The following DNAL1 variants were observed in gnomAD, a reference collection of about 807,000 sequenced individuals.
DNAL1 encodes dynein axonemal light chain 1, also known as chromosome 14 open reading frame 168.
DNAL1 carries 17 observed loss-of-function variants against 29.4 expected under a neutral mutation model. The observed-to-expected ratio is 0.58, with a 90% CI of 0.40 to 0.87. The LOEUF (loss-of-function observed/expected upper bound fraction) is 0.87. Among genes scored for constraint, DNAL1 ranks in the 40% least tolerant of loss-of-function variants. DNAL1 has a pLI of 0.00. For synonymous variants in DNAL1, 78 were observed against 76.3 expected, an observed-to-expected ratio of 1.02 and a Z score of -0.12; for missense variants, 188 against 214.1, an observed-to-expected ratio of 0.88 and a Z score of 0.76.
chr14:73,660,790 C>T (rs1891324010), intron 3 of DNAL1, among the ~76,000 whole-genome samples: 1 of 152,174 alleles, frequency 6.6e-6, no homozygotes, highest in Non-Finnish European at 1.5e-5. Flanking sequence ...ATAAAGCCAT[C>T]TCAAAGGCAA....
intron 1 of DNAL1, among the ~76,000 whole-genome samples, chr14:73,652,770 C>T (rs1384055875): frequency 6.6e-6 from 1 of 152,082 alleles, no homozygotes; most frequent in Admixed American, 6.6e-5. Context: ...ACGCCTATCT[C>T]ATTTGTTTTC....
At chr14:73,671,439 G>T (rs1336782888) in intron 4 of DNAL1, 103 bp from the exon 5 acceptor site, 2 of 1,168,406 alleles carry the variant, frequency 1.7e-6, no homozygotes, top group South Asian at 2.7e-5. Context: ...ATTGTATAAG[G>T]ATATCTATTA....
At chr14:73,692,869 C>T (rs192559952) in intron 7 of DNAL1, among the ~76,000 whole-genome samples, 15 of 150,682 alleles carry the variant, frequency 1.0e-4, no homozygotes, top group Admixed American at 2.6e-4. Flanking sequence ...CGGAGTCTCA[C>T]GCTGTCACCC....
At position 73,651,737 on chromosome 14, in the gene DNAL1, A is replaced by G. The variant is rs529109188; in HGVS notation, c.4-3110A>G. Among the ~76,000 whole-genome samples the G allele has an allele frequency of 3.1e-3, 469 of 152,132 alleles. 1 individual carries two copies. The highest frequency in any genetic ancestry group is 5.6e-3 in the Non-Finnish European group (378 of 67,992). ...AATGCCGCAATCTCGGCTCATTGCA[A>G]CCTCCACCTCCTGGATTTAAACAAT... On this transcript the variant is annotated intron_variant, in intron 1 of 7. Coordinates refer to ENST00000553645, the MANE Select transcript of DNAL1 (RefSeq NM_031427.4).
chr14:73,658,771 C>A, intron 2 of DNAL1, 76 bp from the exon 3 acceptor site: 2 of 1,070,866 alleles, frequency 1.9e-6, no homozygotes, highest in Non-Finnish European at 1.4e-6. Context: ...CATGGAAAAG[C>A]CTTAGGAAAT....
intron 5 of DNAL1, among the ~76,000 whole-genome samples, chr14:73,686,561 C>G (rs1011788813): frequency 2.0e-5 from 3 of 151,998 alleles, no homozygotes; most frequent in African/African-American, 7.3e-5. Flanking sequence ...CAAAAATTAG[C>G]CAGATGTGGT....
In DNAL1 at chr14:73,658,974, C is replaced by T; in HGVS notation, c.152+18C>T. On this transcript the variant is annotated intron_variant, in intron 3 of 7. Coordinates refer to ENST00000553645, the MANE Select transcript of DNAL1 (RefSeq NM_031427.4). Reference sequence around the variant, plus strand: ...AATTGCGAGTAAGTTCTCTTTTCATCCTTCCAGTATTGCTGTTAGGTTTCC... The same window carrying T: ...AATTGCGAGTAAGTTCTCTTTTCATTCTTCCAGTATTGCTGTTAGGTTTCC... 2 of 1,430,206 alleles carry T rather than the reference C, an allele frequency of 1.4e-6. No homozygotes were observed. Among genetic ancestry groups the T allele is most frequent in the African/African-American group, 2.9e-5 (2 of 69,216 alleles). The allele number at this position is 1,430,206 out of a possible 1,614,324, so 88.6% of individuals were successfully genotyped here.
At chr14:73,690,418 C>T (rs1038121353) in intron 7 of DNAL1, among the ~76,000 whole-genome samples, 83 of 151,766 alleles carry the variant, frequency 5.5e-4, no homozygotes, top group African/African-American at 1.9e-3. Context: ...TTGGGGAGGC[C>T]AAGGCGGGCA....
intron 1 of DNAL1, among the ~76,000 whole-genome samples, chr14:73,647,133 C>T (rs529432140): frequency 3.3e-5 from 5 of 151,648 alleles, no homozygotes; most frequent in African/African-American, 4.8e-5. Context: ...CCGAGGTGGG[C>T]GGATCACGAG....
intron 7 of DNAL1, among the ~76,000 whole-genome samples, chr14:73,690,567 G>A (rs1388045643): frequency 1.3e-5 from 2 of 151,624 alleles, no homozygotes; most frequent in East Asian, 1.9e-4. Context: ...CAGGAGAATC[G>A]CTTGAATCCG....
chr14:73,677,862 A>ATT (rs1189545796), intron 5 of DNAL1, among the ~76,000 whole-genome samples: 8 of 106,110 alleles, frequency 7.5e-5, no homozygotes, highest in African/African-American at 3.1e-4. Context: ...CGGCCCATAT[A>ATT]TTTATATATA....
chr14:73,662,010 G>T lies in DNAL1; in HGVS notation c.176G>T (p.Cys59Phe). 7.7e-6 allele frequency: 12 copies of T among 1,559,928 alleles called. No homozygotes were observed. The highest frequency in any genetic ancestry group is 9.6e-6 in the Non-Finnish European group (11 of 1,150,898). The change falls in exon 4 of 8, where the codon TGC becomes TTC. Residue 59 changes from cysteine to phenylalanine, a missense_variant. By Grantham distance (205) the Cys-to-Phe change is radical. Coordinates refer to ENST00000553645, the MANE Select transcript of DNAL1 (RefSeq NM_031427.4). Reference sequence around the variant, plus strand: ...AGGAAGCTTTCACTGTCTACAAACTGCATTGAAAAAATTGCCAACCTGAAT... The same window carrying T: ...AGGAAGCTTTCACTGTCTACAAACTTCATTGAAAAAATTGCCAACCTGAAT... ...NCEKLSLSTN[C>F]IEKIANLNGL...
intron 6 of DNAL1, 127 bp downstream of exon 6, chr14:73,687,512 T>C: frequency 8.9e-7 from 1 of 1,129,066 alleles, no homozygotes; most frequent in Non-Finnish European, 1.2e-6. Flanking sequence ...CATTTATGGC[T>C]AAGCTCAGAG....
intron 1 of DNAL1, among the ~76,000 whole-genome samples, chr14:73,649,625 A>G (rs1314076552): frequency 2.6e-5 from 4 of 152,126 alleles, no homozygotes; most frequent in Non-Finnish European, 5.9e-5. Context: ...TTACCTTCCT[A>G]GTTAGGCCCA....
chr14:73,691,303 A>G (rs1230874724), intron 7 of DNAL1, among the ~76,000 whole-genome samples: 1 of 152,196 alleles, frequency 6.6e-6, no homozygotes, highest in African/African-American at 2.4e-5. Flanking sequence ...TAATCCTAGC[A>G]CTTTGGGAGG....
In DNAL1 at chr14:73,694,133, C is replaced by T. The variant is rs566962300; in HGVS notation, c.533-1769C>T. Reference sequence around the variant, plus strand: ...AAATGAAGGAACTTTAAGCTGGGCACGGTGGCATGCACCTGTAGATCCAGC... The same window carrying T: ...AAATGAAGGAACTTTAAGCTGGGCATGGTGGCATGCACCTGTAGATCCAGC... On this transcript the variant is annotated intron_variant, in intron 7 of 7. Coordinates refer to ENST00000553645, the MANE Select transcript of DNAL1 (RefSeq NM_031427.4). Among the ~76,000 whole-genome samples, 8 of 151,220 alleles carry T rather than the reference C, an allele frequency of 5.3e-5. No individual in the cohort carries two copies. In the East Asian group the frequency reaches 9.8e-4, roughly 19 times the overall value.
intron 1 of DNAL1, 102 bp from the exon 2 acceptor site, chr14:73,654,745 C>A: frequency 8.9e-7 from 1 of 1,124,400 alleles, no homozygotes; most frequent in Non-Finnish European, 1.2e-6. Context: ...GGTGACAGAG[C>A]AAGATTCTGT....
At chr14:73,685,995 ATAAT>A (rs1423970970) in intron 5 of DNAL1, among the ~76,000 whole-genome samples, 3 of 152,102 alleles carry the variant, frequency 2.0e-5, no homozygotes, top group African/African-American at 7.2e-5. Context: ...TTATCATATG[ATAAT>A]TAATTTTTTA....
At chr14:73,668,613 A>G (rs1338486224) in intron 4 of DNAL1, among the ~76,000 whole-genome samples, 1 of 152,024 alleles carries the variant, frequency 6.6e-6, no homozygotes. Flanking sequence ...TGTGATCAAG[A>G]TGTCAGTGTG....
Sources: allele counts gnomAD v4.1 joint callset (sites outside exome capture counted in the v4.1 genomes callset), GRCh38; gene constraint gnomAD v4.1.1; transcripts MANE v1.5; gene names NCBI Gene and HGNC (gene_info 2026-07-23, HGNC 2026-07-21).